C10orf90: variants seen among roughly 807,000 people sequenced by gnomAD.
C10orf90 encodes the protein (E2-independent) E3 ubiquitin-conjugating enzyme FATS.
A neutral mutation model predicts 62.5 loss-of-function variants in C10orf90; 56 were observed. The ratio of observed to expected loss-of-function variants is 0.90; its 90% CI spans 0.72 to 1.12. C10orf90 has a LOEUF of 1.12. Among genes scored for constraint, C10orf90 ranks in the 50% most tolerant of loss-of-function variants. The pLI, the probability that C10orf90 is intolerant of heterozygous loss-of-function variation, is 0.00. For missense variants in C10orf90, 970 were observed against 880.4 expected (o/e 1.10, Z -1.29); for synonymous variants, 386 against 340.4 (o/e 1.13, Z -1.47).
In C10orf90 at chr10:126,453,455, AAAG is replaced by A. The variant is rs1472406045; in HGVS notation, c.2188+5582_2188+5584del. Among the ~76,000 whole-genome samples the A allele has an allele frequency of 6.6e-6, 1 of 151,886 alleles. No homozygotes were observed. Among genetic ancestry groups the A allele is most frequent in the Non-Finnish European group, 1.5e-5 (1 of 67,972 alleles). On this transcript the variant is annotated intron_variant, in intron 7 of 9. Coordinates refer to ENST00000488181, the MANE Select transcript of C10orf90 (RefSeq NM_001350921.2). The surrounding 1 kb of genome is among the most constrained non-coding windows in gnomAD (Gnocchi z 4.9). ...GGAGAGGAGAGGGAGTGAAGGGGAG[AAAG>A]AAGGATGGGAATCAGGACGGCTTTG...
At chr10:126,580,802 T>C (rs182972871) in intron 2 of C10orf90, among the ~76,000 whole-genome samples, 60 of 152,256 alleles carry the variant, frequency 3.9e-4, no homozygotes, top group African/African-American at 1.1e-3. Context: ...GGTGTGTGTG[T>C]GCAAAAGTGT....
intron 1 of C10orf90, among the ~76,000 whole-genome samples, chr10:126,664,457 C>T (rs191234333): frequency 6.6e-6 from 1 of 152,208 alleles, no homozygotes; most frequent in Non-Finnish European, 1.5e-5. Context: ...CAGATATTAT[C>T]ATTTTTCCTA....
rs143405464 is a variant in C10orf90, at chr10:126,638,910, G to A, written c.313+7655C>T. 2.0e-5 allele frequency among the ~76,000 whole-genome samples: 3 copies of A among 152,312 alleles called. No homozygotes were observed. In the East Asian group the frequency reaches 5.8e-4, roughly 29 times the overall value. On this transcript the variant is annotated intron_variant, in intron 2 of 9. Coordinates refer to ENST00000488181, the MANE Select transcript of C10orf90 (RefSeq NM_001350921.2). The stretch of plus-strand genomic sequence containing the variant: ...TGTCCAGTGCTGGGTATCATGTGTG[G>A]GCATTTCCATCACGCTAGAGCAGCA...
At position 126,608,864 on chromosome 10, in the gene C10orf90, C is replaced by T. The variant is rs376594066; in HGVS notation, c.313+37701G>A. Among the ~76,000 whole-genome samples, 21 of 152,260 alleles carry T rather than the reference C, an allele frequency of 1.4e-4. No homozygotes were observed. The East Asian group carries it at 2.7e-3, about 20-fold the overall frequency. ...TAAATGAGTCAACAAACTAATACTT[C>T]GATTTTTCCCCAGTTTTAATTTGTA... On this transcript the variant is annotated intron_variant, in intron 2 of 9. Transcript: ENST00000488181.
At chr10:126,590,111 A>G (rs1253254632) in intron 2 of C10orf90, among the ~76,000 whole-genome samples, 1 of 152,212 alleles carries the variant, frequency 6.6e-6, no homozygotes, top group Non-Finnish European at 1.5e-5. Flanking sequence ...GCGTTACATA[A>G]TGGTAAAGTG....
intron 4 of C10orf90, 117 bp downstream of exon 4, chr10:126,503,830 AGCAGATCACT>A: frequency 8.6e-7 from 1 of 1,167,056 alleles, no homozygotes; most frequent in Non-Finnish European, 1.2e-6. Flanking sequence ...CTATGAGCAG[AGCAGATCACT>A]GCAAGTCTAC....
chr10:126,585,941 C>T (rs978486936), intron 2 of C10orf90, among the ~76,000 whole-genome samples: 11 of 152,186 alleles, frequency 7.2e-5, no homozygotes, highest in African/African-American at 2.7e-4. Flanking sequence ...AATTCAGATA[C>T]TTGCTAAAGT....
chr10:126,440,696 A>T (rs887315659), intron 7 of C10orf90, among the ~76,000 whole-genome samples: 1 of 152,188 alleles, frequency 6.6e-6, no homozygotes. Flanking sequence ...AGAGACCCAC[A>T]GACGGTTAAC....
At chr10:126,514,215 T>G (rs1222943700) in intron 2 of C10orf90, among the ~76,000 whole-genome samples, 3 of 152,310 alleles carry the variant, frequency 2.0e-5, no homozygotes, top group Non-Finnish European at 4.4e-5. Flanking sequence ...TTGCATAATT[T>G]TAGCCCTATC....
At chr10:126,443,485 A>G (rs370346636) in intron 7 of C10orf90, among the ~76,000 whole-genome samples, 1 of 152,144 alleles carries the variant, frequency 6.6e-6, no homozygotes, top group African/African-American at 2.4e-5. Context: ...GATACCCTGA[A>G]CAGACCAATA....
intron 3 of C10orf90, among the ~76,000 whole-genome samples, chr10:126,507,193 T>A (rs1862791278): frequency 6.6e-6 from 1 of 151,742 alleles, no homozygotes; most frequent in African/African-American, 2.4e-5. Context: ...CTGTCTCTAC[T>A]AAAAATACAA....
chr10:126,497,473 A>C (rs1044225797), intron 4 of C10orf90, among the ~76,000 whole-genome samples: 18 of 152,188 alleles, frequency 1.2e-4, no homozygotes, highest in African/African-American at 4.3e-4. Flanking sequence ...CGTTCTAAGA[A>C]TCGACCAGAG....
At chr10:126,591,754 A>G (rs982522853) in intron 2 of C10orf90, among the ~76,000 whole-genome samples, 1 of 152,192 alleles carries the variant, frequency 6.6e-6, no homozygotes, top group Admixed American at 6.5e-5. Context: ...CAGGAAATCA[A>G]ATTATCTTTG....
At chr10:126,558,077 C>G (rs1473743470) in intron 2 of C10orf90, among the ~76,000 whole-genome samples, 4 of 152,172 alleles carry the variant, frequency 2.6e-5, no homozygotes, top group African/African-American at 9.7e-5. Flanking sequence ...AGGAGCCCAC[C>G]TTTCTTGCCT....
At chr10:126,628,958 G>A (rs562077665) in intron 2 of C10orf90, among the ~76,000 whole-genome samples, 15 of 152,264 alleles carry the variant, frequency 9.9e-5, no homozygotes, top group Non-Finnish European at 1.9e-4. Flanking sequence ...GCTCTACCCC[G>A]TGGCACACCC....
At chr10:126,439,518 G>A (rs1260113084) in intron 7 of C10orf90, among the ~76,000 whole-genome samples, 2 of 152,030 alleles carry the variant, frequency 1.3e-5, no homozygotes, top group African/African-American at 2.4e-5. Flanking sequence ...CAAAATAATT[G>A]TTTTAAGGAA....
intron 2 of C10orf90, among the ~76,000 whole-genome samples, chr10:126,642,334 C>T (rs555964740): frequency 3.3e-5 from 5 of 152,218 alleles, no homozygotes; most frequent in African/African-American, 7.2e-5. Context: ...AGATCGAGAC[C>T]ATCCTGGCTA....
intron 1 of C10orf90, among the ~76,000 whole-genome samples, chr10:126,666,529 A>G (rs985731300): frequency 2.0e-5 from 3 of 152,202 alleles, no homozygotes; most frequent in African/African-American, 7.2e-5. Flanking sequence ...AAGAAGGTAG[A>G]GGAAAGCATG....
chr10:126,565,329 TTATATTATATATAA>T lies in C10orf90; in HGVS notation c.314-51404_314-51391del, dbSNP rs1330011373. 3.4e-3 allele frequency among the ~76,000 whole-genome samples: 152 copies of T among 44,376 alleles called. 2 individuals carry two copies. Among genetic ancestry groups the T allele is most frequent in the African/African-American group, 0.019 (148 of 7,936 alleles). 29.1% of individuals were successfully genotyped at this position (44,376 alleles called of 152,430 possible). ...ATATTATATTATATATATTATATAT[TTATATTATATATAA>T]TATATAATATATAATATATATTATT... On this transcript the variant is annotated intron_variant, in intron 2 of 9. Transcript: ENST00000488181.
Sources: allele counts gnomAD v4.1 joint callset (sites outside exome capture counted in the v4.1 genomes callset), GRCh38; gene constraint gnomAD v4.1.1; non-coding constraint Gnocchi (gnomAD v3.1); transcripts MANE v1.5; gene names NCBI Gene and HGNC (gene_info 2026-07-23, HGNC 2026-07-21).